HECW1: variants seen among roughly 807,000 people sequenced by gnomAD.
The protein encoded by HECW1 is HECT, C2 and WW domain containing E3 ubiquitin protein ligase 1, also known as E3 ubiquitin-protein ligase HECW1.
In HECW1, 61 loss-of-function variants were observed where a neutral mutation model predicts 182.3. The ratio of observed to expected loss-of-function variants is 0.33; its 90% CI spans 0.27 to 0.41. HECW1 has a LOEUF of 0.41. Among genes scored for constraint, HECW1 ranks in the 10% least tolerant of loss-of-function variants. The pLI, the probability that HECW1 is intolerant of heterozygous loss-of-function variation, is 1.00. For synonymous variants in HECW1, 859 were observed against 832.6 expected (o/e 1.03, Z -0.55); for missense variants, 1,739 against 2,108.9 (o/e 0.82, Z 3.44).
At chr7:43,544,070 A>G (rs11771096) in intron 26 of HECW1, among the ~76,000 whole-genome samples, 1 of 152,126 alleles carries the variant, frequency 6.6e-6, no homozygotes, top group Non-Finnish European at 1.5e-5. Flanking sequence ...AAAAATTTTT[A>G]AAAAAGGAAA....
Position 43,444,203 on chromosome 7 carries a change from TC to T in HECW1, c.1046-14del. On this transcript the variant is annotated splice_polypyrimidine_tract_variant and intron_variant, in intron 10 of 29. Coordinates refer to ENST00000395891, the MANE Select transcript of HECW1 (RefSeq NM_015052.5). This position sits in a 1 kb window ranked among gnomAD's most constrained non-coding sequence, Gnocchi z 4.3. ...TCTTCTGGGAGAAATGACATATTTT[TC>T]TTCTTACCAGCAGATGATGAGGAGA... 6.3e-7 allele frequency: 1 copy of T among 1,585,404 alleles called. No homozygotes were observed. The highest frequency in any genetic ancestry group is 1.3e-5 in the African/African-American group (1 of 74,154).
At chr7:43,363,221 G>A (rs990959365) in intron 6 of HECW1, among the ~76,000 whole-genome samples, 1 of 152,160 alleles carries the variant, frequency 6.6e-6, no homozygotes, top group African/African-American at 2.4e-5. Context: ...CCTTAGGGCA[G>A]GATAAATTTT....
chr7:43,495,745 A>G (rs574821744), intron 19 of HECW1, among the ~76,000 whole-genome samples: 31 of 152,348 alleles, frequency 2.0e-4, no homozygotes, highest in African/African-American at 6.7e-4. Context: ...AGGCAGAGTC[A>G]TATTCAGCCA....
chr7:43,180,649 C>T (rs1462280501), intron 2 of HECW1, among the ~76,000 whole-genome samples: 1 of 152,200 alleles, frequency 6.6e-6, no homozygotes, highest in Non-Finnish European at 1.5e-5. Context: ...CCCGCCTTGG[C>T]CTCCCAAAGT....
chr7:43,426,133 G>A lies in HECW1; in HGVS notation c.802-11870G>A, dbSNP rs530683634. On this transcript the variant is annotated intron_variant, in intron 8 of 29. Coordinates refer to ENST00000395891, the MANE Select transcript of HECW1 (RefSeq NM_015052.5). ...GCCCCAATTATTGACCAATCATGGGGCACTTAATGACCTGAGTTTTCCTAT... is the reference window on the plus strand; with the variant it reads ...GCCCCAATTATTGACCAATCATGGGACACTTAATGACCTGAGTTTTCCTAT... 5.3e-5 allele frequency among the ~76,000 whole-genome samples: 8 copies of A among 152,242 alleles called. No homozygotes were observed. The South Asian group carries it at 1.7e-3, about 32-fold the overall frequency.
intron 9 of HECW1, among the ~76,000 whole-genome samples, chr7:43,442,023 G>A (rs73328100): frequency 1.1e-3 from 170 of 152,246 alleles, no homozygotes; most frequent in African/African-American, 3.9e-3. Context: ...CTTGGCTAGC[G>A]ATACACAACA....
chr7:43,431,921 A>G (rs1272180941), intron 8 of HECW1, among the ~76,000 whole-genome samples: 2 of 150,842 alleles, frequency 1.3e-5, no homozygotes, highest in African/African-American at 4.9e-5. Context: ...CTGTCACCCA[A>G]TGTTCAAGCA....
At chr7:43,320,765 T>C (rs1325360975) in intron 5 of HECW1, 23 bp downstream of exon 5, 1 of 1,546,758 alleles carries the variant, frequency 6.5e-7, no homozygotes, top group Non-Finnish European at 8.9e-7. Context: ...ACCATTCTTG[T>C]GGCTTGGCAG....
At chr7:43,425,880 T>G (rs2076349057) in intron 8 of HECW1, among the ~76,000 whole-genome samples, 1 of 152,164 alleles carries the variant, frequency 6.6e-6, no homozygotes. Context: ...AACATGAGTT[T>G]TCGTAGGGAT....
intron 16 of HECW1, among the ~76,000 whole-genome samples, chr7:43,476,225 A>G (rs2078215408): frequency 6.6e-6 from 1 of 152,232 alleles, no homozygotes; most frequent in African/African-American, 2.4e-5. Flanking sequence ...TTTCCTGAGT[A>G]CCAGCAATGA....
chr7:43,145,453 G>A (rs187626106), intron 2 of HECW1, among the ~76,000 whole-genome samples: 31 of 152,184 alleles, frequency 2.0e-4, no homozygotes, highest in African/African-American at 5.8e-4. Flanking sequence ...GTGCCACCAC[G>A]CCTGGCTAAT....
chr7:43,126,067 C>CTTTTTTT (rs71008891), intron 2 of HECW1, among the ~76,000 whole-genome samples: 2 of 103,988 alleles, frequency 1.9e-5, no homozygotes, highest in Non-Finnish European at 3.7e-5. Flanking sequence ...TTTGTTCTCA[C>CTTTTTTT]TTTTTTTTTT....
At chr7:43,318,472 G>C (rs1584461413) in intron 4 of HECW1, among the ~76,000 whole-genome samples, 1 of 152,344 alleles carries the variant, frequency 6.6e-6, no homozygotes, top group East Asian at 1.9e-4. Context: ...TATCGGTAAT[G>C]AGTGTTCATT....
intron 24 of HECW1, among the ~76,000 whole-genome samples, chr7:43,519,902 T>C (rs1477979048): frequency 1.3e-5 from 2 of 152,114 alleles, no homozygotes; most frequent in Non-Finnish European, 2.9e-5. Flanking sequence ...ATGATTCAGA[T>C]AAAAAATATG....
rs553079255 is a variant in HECW1 at position 43,401,528 on chromosome 7, A to G, written c.631+4639A>G. On this transcript the variant is annotated intron_variant, in intron 7 of 29. Transcript: ENST00000395891. The stretch of plus-strand genomic sequence containing the variant: ...CAGGTGCTCAGAGAAAGAAATGTAT[A>G]TGAAGAGACCAACACCTAGACAAAT... Among the ~76,000 whole-genome samples the G allele has an allele frequency of 2.4e-4, 36 of 151,494 alleles. No homozygotes were observed. In the South Asian group the frequency reaches 7.3e-3, roughly 31 times the overall value.
At chr7:43,427,721 GTCTGGTGAAAACAT>G (rs1236281970) in intron 8 of HECW1, among the ~76,000 whole-genome samples, 2 of 152,134 alleles carry the variant, frequency 1.3e-5, no homozygotes. Context: ...CTAGGGCCTT[GTCTGGTGAAAACAT>G]TGTTTCCAAG....
At chr7:43,158,843 T>C (rs948620796) in intron 2 of HECW1, among the ~76,000 whole-genome samples, 2 of 152,234 alleles carry the variant, frequency 1.3e-5, no homozygotes, top group African/African-American at 4.8e-5. Flanking sequence ...TTCAAGTGTC[T>C]CATCTAGTTC....
chr7:43,509,548 G>A (rs1479851029), intron 24 of HECW1: 1 of 155,426 alleles, frequency 6.4e-6, no homozygotes, highest in African/African-American at 2.4e-5. Context: ...TGGCTATTGG[G>A]TCAGATGATC....
intron 26 of HECW1, among the ~76,000 whole-genome samples, chr7:43,549,925 A>G (rs936668499): frequency 2.0e-5 from 3 of 152,138 alleles, no homozygotes; most frequent in Non-Finnish European, 2.9e-5. Context: ...TATTTCCATT[A>G]TGCCTCTTGA....
Sources: allele counts gnomAD v4.1 joint callset (sites outside exome capture counted in the v4.1 genomes callset), GRCh38; gene constraint gnomAD v4.1.1; non-coding constraint Gnocchi (gnomAD v3.1); transcripts MANE v1.5; gene names NCBI Gene and HGNC (gene_info 2026-07-23, HGNC 2026-07-21).